SLC39A14: variants seen among roughly 807,000 people sequenced by gnomAD.
SLC39A14 encodes metal cation symporter ZIP14.
In SLC39A14, 19 loss-of-function variants were observed where a neutral mutation model predicts 45.5. The observed-to-expected ratio is 0.42, with a 90% CI of 0.29 to 0.61. The LOEUF (loss-of-function observed/expected upper bound fraction) is 0.61, where lower values mean the gene tolerates loss of function less well. Ranked by LOEUF, SLC39A14 falls within the 20% of genes least tolerant of loss-of-function variation. SLC39A14 has a pLI of 0.22. For synonymous variants in SLC39A14, 264 were observed against 251.3 expected (o/e 1.05, Z -0.48); for missense variants, 447 against 616.5 (o/e 0.73, Z 2.91).
intron 4 of SLC39A14, among the ~76,000 whole-genome samples, chr8:22,413,768 G>A (rs530744155): frequency 2.3e-4 from 35 of 152,096 alleles, no homozygotes; most frequent in African/African-American, 7.0e-4. Context: ...GGAGCAAGTC[G>A]TTAGATACTT....
downstream of SLC39A14, among the ~76,000 whole-genome samples, chr8:22,426,274 C>T (rs1836386121): frequency 6.6e-6 from 1 of 152,112 alleles, no homozygotes; most frequent in Non-Finnish European, 1.5e-5. Flanking sequence ...TGGCTCGCTG[C>T]AGCCTCAATC....
At chr8:22,428,680 A>C (rs1836424716) in intron 8 of SLC39A14, among the ~76,000 whole-genome samples, 1 of 151,632 alleles carries the variant, frequency 6.6e-6, no homozygotes, top group Non-Finnish European at 1.5e-5. Flanking sequence ...TGACCTTGTG[A>C]TCCGCCCAGC....
intron 4 of SLC39A14, among the ~76,000 whole-genome samples, chr8:22,412,691 C>A (rs1187523545): frequency 6.6e-6 from 1 of 152,136 alleles, no homozygotes; most frequent in African/African-American, 2.4e-5. Flanking sequence ...CACCTATATT[C>A]CCAGCACTTT....
chr8:22,416,348 G>T, intron 7 of SLC39A14, 68 bp downstream of exon 7: 3 of 1,339,244 alleles, frequency 2.2e-6, no homozygotes, highest in South Asian at 2.4e-5. Flanking sequence ...TCCTGTGGCC[G>T]GTTCCTTGCT....
chr8:22,379,829 C>T (rs1414146372), intron 1 of SLC39A14, among the ~76,000 whole-genome samples: 5 of 149,590 alleles, frequency 3.3e-5, no homozygotes, highest in South Asian at 2.1e-4. Flanking sequence ...CTCAGGAGGC[C>T]GAGGCAGGAG....
intron 8 of SLC39A14, among the ~76,000 whole-genome samples, chr8:22,428,600 A>T (rs913136614): frequency 6.6e-6 from 1 of 151,382 alleles, no homozygotes; most frequent in Non-Finnish European, 1.5e-5. Context: ...ATGCCACCAC[A>T]CCCACCTAAT....
At chr8:22,392,181 G>T (rs891382895) in intron 1 of SLC39A14, among the ~76,000 whole-genome samples, 1 of 152,182 alleles carries the variant, frequency 6.6e-6, no homozygotes, top group Non-Finnish European at 1.5e-5. Flanking sequence ...CAATTGAACA[G>T]AACCAGAATT....
At position 22,368,648 on chromosome 8, in the gene SLC39A14, TGCCTCA is replaced by T. The variant is rs1353731751; in HGVS notation, c.-16+1246_-16+1251del. Among the ~76,000 whole-genome samples the T allele has an allele frequency of 2.0e-5, 3 of 152,292 alleles. No individual in the cohort carries two copies. In the East Asian group the frequency reaches 5.8e-4, roughly 29 times the overall value. On this transcript the variant is annotated intron_variant, in intron 1 of 8. Coordinates refer to ENST00000381237, the MANE Select transcript of SLC39A14 (RefSeq NM_001128431.4). ...GCCTCCCGGGTTCAAGCGACTCTCC[TGCCTCA>T]GCCTCCCGAGTAGCTGGGACTACAG...
At chr8:22,423,904 C>T (rs1027878709), downstream of SLC39A14, among the ~76,000 whole-genome samples, 1 of 151,862 alleles carries the variant, frequency 6.6e-6, no homozygotes, top group African/African-American at 2.4e-5. Flanking sequence ...CTCCCAGGCT[C>T]AAGCAATCTT....
In SLC39A14 at chr8:22,408,396, C is replaced by T. The variant is rs1835354009; in HGVS notation, c.357C>T (p.Pro119=). ...IGSSELQEFC[P]TILQQLDSRA... is the part of the protein sequence containing the mutation. ...GCAGCGAGCTCCAGGAGTTCTGCCC[C>T]ACCATCCTCCAGCAGCTGGATTCCC... The change falls in exon 3 of 9, where the codon CCC becomes CCT. Residue 119 remains proline, a synonymous_variant. Transcript: ENST00000381237. 1 of 1,614,224 alleles carries T rather than the reference C, an allele frequency of 6.2e-7. No individual in the cohort carries two copies. The highest frequency in any genetic ancestry group is 8.5e-7 in the Non-Finnish European group (1 of 1,180,042).
intron 1 of SLC39A14, among the ~76,000 whole-genome samples, chr8:22,373,934 ATTT>A (rs1158526509): frequency 6.6e-6 from 1 of 151,838 alleles, no homozygotes; most frequent in Admixed American, 6.6e-5. Flanking sequence ...AATTTTTTGT[ATTT>A]TTAGTGGACA....
chr8:22,378,606 T>C (rs184813412), intron 1 of SLC39A14, among the ~76,000 whole-genome samples: 17 of 152,368 alleles, frequency 1.1e-4, no homozygotes, highest in African/African-American at 4.1e-4. Context: ...GTCCTGCTCA[T>C]GCTTCAGCTC....
intron 1 of SLC39A14, chr8:22,389,726 G>C (rs1212104237): frequency 3.9e-5 from 6 of 152,348 alleles, no homozygotes; most frequent in African/African-American, 1.2e-4. Context: ...GGCGTGCACA[G>C]GCTTCTTGTG....
At chr8:22,373,860 A>G (rs1833065672) in intron 1 of SLC39A14, among the ~76,000 whole-genome samples, 1 of 151,856 alleles carries the variant, frequency 6.6e-6, no homozygotes. Flanking sequence ...CCCAGGTTCA[A>G]GTGATTCTTC....
At chr8:22,396,132 C>T (rs901438149) in intron 1 of SLC39A14, among the ~76,000 whole-genome samples, 3 of 151,684 alleles carry the variant, frequency 2.0e-5, no homozygotes, top group African/African-American at 4.8e-5. Flanking sequence ...TTTGGGAGAC[C>T]GAGACAGGTG....
At chr8:22,415,558 A>T (rs1236149638) in intron 5 of SLC39A14, 2 of 491,450 alleles carry the variant, frequency 4.1e-6, no homozygotes, top group Non-Finnish European at 7.1e-6. Flanking sequence ...GGCCTCCCAC[A>T]GTGCTGGGAT....
At chr8:22,395,238 G>A (rs1275056117) in intron 1 of SLC39A14, among the ~76,000 whole-genome samples, 3 of 152,082 alleles carry the variant, frequency 2.0e-5, no homozygotes, top group African/African-American at 7.2e-5. Flanking sequence ...TTGAACTCCT[G>A]ACCTCAAGTG....
chr8:22,396,816 T>G (rs561863777), intron 1 of SLC39A14, among the ~76,000 whole-genome samples: 2 of 152,184 alleles, frequency 1.3e-5, no homozygotes, highest in Admixed American at 1.3e-4. Flanking sequence ...ATTCTGGTTC[T>G]GCCCTTGTCA....
chr8:22,414,045 G>A (rs1260322342), intron 4 of SLC39A14, among the ~76,000 whole-genome samples: 1 of 152,044 alleles, frequency 6.6e-6, no homozygotes, highest in African/African-American at 2.4e-5. Context: ...CCTTTAAAGT[G>A]CATGAGCCAC....
Sources: allele counts gnomAD v4.1 joint callset (sites outside exome capture counted in the v4.1 genomes callset), GRCh38; gene constraint gnomAD v4.1.1; transcripts MANE v1.5; gene names NCBI Gene and HGNC (gene_info 2026-07-23, HGNC 2026-07-21).